The following CSMD1 variants were observed in gnomAD, a reference collection of about 807,000 sequenced individuals.
CSMD1 encodes the protein CUB and Sushi multiple domains 1, also known as CUB and sushi domain-containing protein 1.
A neutral mutation model predicts 417.5 loss-of-function variants in CSMD1; 213 were observed. The observed-to-expected ratio is 0.51, with a 90% confidence interval of 0.46 to 0.57. CSMD1 has a LOEUF of 0.57. Among genes scored for constraint, CSMD1 ranks in the 20% least tolerant of loss-of-function variants. CSMD1 has a pLI of 0.00. For synonymous variants in CSMD1, 2,862 were observed against 1,736.8 expected (o/e 1.65, Z -16.11); for missense variants, 6,923 against 4,529.7 (o/e 1.53, Z -15.17).
chr8:3,569,835 G>C (rs910656295), intron 10 of CSMD1, among the ~76,000 whole-genome samples: 2 of 152,096 alleles, frequency 1.3e-5, no homozygotes, highest in Non-Finnish European at 2.9e-5. Context: ...GCTTTGCTAA[G>C]AGTATTGGTT....
chr8:3,841,325 G>C (rs377728167), intron 5 of CSMD1, among the ~76,000 whole-genome samples: 3 of 152,034 alleles, frequency 2.0e-5, no homozygotes, highest in East Asian at 1.9e-4. Flanking sequence ...AAATAAATTG[G>C]CATCAAGTGC....
chr8:3,441,589 G>C (rs767835316), intron 12 of CSMD1, among the ~76,000 whole-genome samples: 2 of 151,276 alleles, frequency 1.3e-5, no homozygotes, highest in Non-Finnish European at 2.9e-5. Flanking sequence ...GGTCCCATAA[G>C]ATTATAATGT....
At chr8:3,913,724 C>T (rs916465036) in intron 5 of CSMD1, among the ~76,000 whole-genome samples, 6 of 152,052 alleles carry the variant, frequency 3.9e-5, no homozygotes, top group African/African-American at 1.2e-4. Context: ...GCAGGGAAGG[C>T]AGGAGTGGGG....
At chr8:4,260,530 G>C (rs1803804004) in intron 3 of CSMD1, among the ~76,000 whole-genome samples, 1 of 152,160 alleles carries the variant, frequency 6.6e-6, no homozygotes. Flanking sequence ...CAAATGGCAA[G>C]CACATAGCCA....
At chr8:3,745,320 C>A (rs1029250096) in intron 6 of CSMD1, among the ~76,000 whole-genome samples, 1 of 152,170 alleles carries the variant, frequency 6.6e-6, no homozygotes, top group African/African-American at 2.4e-5. Context: ...CTGCAAGAAC[C>A]TGGTTGGAAT....
intron 12 of CSMD1, among the ~76,000 whole-genome samples, chr8:3,452,255 T>A (rs140101831): frequency 1.3e-5 from 2 of 152,192 alleles, no homozygotes; most frequent in African/African-American, 4.8e-5. Context: ...AATCATGTCA[T>A]CTGGAAAAAG....
chr8:3,761,274 AC>A (rs1231201324), intron 5 of CSMD1, among the ~76,000 whole-genome samples: 2 of 152,322 alleles, frequency 1.3e-5, no homozygotes, highest in East Asian at 3.9e-4. Flanking sequence ...TAAAATAAAC[AC>A]AATAATACCC....
At chr8:4,315,249 C>G (rs540879519) in intron 3 of CSMD1, among the ~76,000 whole-genome samples, 1 of 152,112 alleles carries the variant, frequency 6.6e-6, no homozygotes, top group African/African-American at 2.4e-5. Flanking sequence ...GCTTGAAGAC[C>G]AGAGTGAGGT....
chr8:3,481,138 G>C (rs1817720556), intron 11 of CSMD1, among the ~76,000 whole-genome samples: 1 of 119,454 alleles, frequency 8.4e-6, no homozygotes, highest in African/African-American at 3.2e-5. Flanking sequence ...CTGGGCAACA[G>C]AGCGAGACTC....
At position 3,573,614 on chromosome 8, in the gene CSMD1, T is replaced by G. The variant is rs190355583; in HGVS notation, c.1344+1331A>C. ...AATAAGCCAACCAAAACCAAAGGCA[T>G]CTGTGATGAACACTTTACGGAATCT... On this transcript the variant is annotated intron_variant, in intron 10 of 69. Coordinates refer to ENST00000635120, the MANE Select transcript of CSMD1 (RefSeq NM_033225.6). 5.3e-5 allele frequency among the ~76,000 whole-genome samples: 8 copies of G among 152,280 alleles called. No homozygotes were observed. The East Asian group carries it at 1.4e-3, about 26-fold the overall frequency.
At chr8:4,604,893 G>T (rs1444745221) in intron 2 of CSMD1, among the ~76,000 whole-genome samples, 3 of 152,128 alleles carry the variant, frequency 2.0e-5, no homozygotes, top group Non-Finnish European at 4.4e-5. Context: ...GACTCTGACG[G>T]TGTTCGGGGT....
intron 3 of CSMD1, among the ~76,000 whole-genome samples, chr8:4,099,675 TACAA>T (rs1367052198): frequency 1.3e-5 from 2 of 152,104 alleles, no homozygotes; most frequent in African/African-American, 2.4e-5. Context: ...CTTATTTAAA[TACAA>T]ACAAACAAAC....
At chr8:3,294,857 G>T (rs528080847) in intron 25 of CSMD1, among the ~76,000 whole-genome samples, 2 of 152,078 alleles carry the variant, frequency 1.3e-5, no homozygotes, top group East Asian at 1.9e-4. Context: ...ACACTCCCCA[G>T]TGAGATGTAC....
At chr8:4,605,831 G>C (rs191909460) in intron 2 of CSMD1, among the ~76,000 whole-genome samples, 1 of 152,196 alleles carries the variant, frequency 6.6e-6, no homozygotes, top group East Asian at 1.9e-4. Context: ...TGGTGGACAA[G>C]GGTTCGTGTT....
At chr8:2,942,930 G>T (rs1001352631) in intron 68 of CSMD1, among the ~76,000 whole-genome samples, 5 of 152,234 alleles carry the variant, frequency 3.3e-5, no homozygotes, top group South Asian at 2.1e-4. Context: ...AAACATTTAT[G>T]TATTTTTTCT....
At chr8:4,826,997 G>C (rs1030850157) in intron 1 of CSMD1, among the ~76,000 whole-genome samples, 2 of 152,002 alleles carry the variant, frequency 1.3e-5, no homozygotes, top group African/African-American at 4.8e-5. Context: ...AAATCAAATT[G>C]CTTGCCTATC....
intron 5 of CSMD1, among the ~76,000 whole-genome samples, chr8:3,995,755 C>G (rs991567097): frequency 6.6e-6 from 1 of 152,136 alleles, no homozygotes; most frequent in Non-Finnish European, 1.5e-5. Flanking sequence ...ATAAGTCATC[C>G]CAAGAATACA....
At chr8:3,549,410 C>T (rs761463392) in intron 10 of CSMD1, among the ~76,000 whole-genome samples, 2 of 152,184 alleles carry the variant, frequency 1.3e-5, no homozygotes, top group African/African-American at 2.4e-5. Context: ...TGATGGGAGG[C>T]TATGCTTTGA....
chr8:2,970,461 A>T (rs1207562411), intron 57 of CSMD1, among the ~76,000 whole-genome samples: 1 of 152,198 alleles, frequency 6.6e-6, no homozygotes, highest in Non-Finnish European at 1.5e-5. Flanking sequence ...CAATTATTGC[A>T]TTTAATATTC....
Sources: gnomAD v4.1 joint callset for allele counts (sites outside exome capture counted in the v4.1 genomes callset) on GRCh38, gnomAD v4.1.1 for gene constraint, MANE v1.5 for transcripts, NCBI Gene and HGNC (gene_info 2026-07-23, HGNC 2026-07-21) for gene names.